The following ANKRD28 variants were observed in gnomAD, a reference collection of about 807,000 sequenced individuals.
ANKRD28 encodes the protein ankyrin repeat domain 28.
ANKRD28 carries 44 observed loss-of-function variants against 126.5 expected under a neutral mutation model. That is an observed-to-expected ratio of 0.35 (90% CI 0.27 to 0.45). ANKRD28 has a LOEUF of 0.45. Ranked by LOEUF, ANKRD28 falls within the 20% of genes least tolerant of loss-of-function variation. The probability of loss-of-function intolerance (pLI) is 1.00; values close to 1 mark genes in which losing one functional copy is unlikely to be tolerated. For synonymous variants in ANKRD28, 442 were observed against 468.5 expected, an observed-to-expected ratio of 0.94 and a Z score of 0.73; for missense variants, 1,110 against 1,316.6, an observed-to-expected ratio of 0.84 and a Z score of 2.43.
At chr3:15,852,972 T>A in intron 1 of ANKRD28, among the ~76,000 whole-genome samples, 1 of 151,926 alleles carries the variant, frequency 6.6e-6, no homozygotes, top group Admixed American at 6.6e-5. Flanking sequence ...AGAAGAATCC[T>A]GGTAACTTTT....
chr3:15,773,260 T>C (rs771956716), intron 2 of ANKRD28, among the ~76,000 whole-genome samples: 165 of 152,264 alleles, frequency 1.1e-3, no homozygotes, highest in Non-Finnish European at 2.1e-3. Flanking sequence ...AAAGGTATCA[T>C]TTAGAATAGC....
At position 15,812,076 on chromosome 3, in the gene ANKRD28, C is replaced by A. The variant is rs1575752569; in HGVS notation, c.28-16770G>T. Among the ~76,000 whole-genome samples, 1 of 151,668 alleles carries A rather than the reference C, an allele frequency of 6.6e-6. No individual in the cohort carries two copies. The highest frequency in any genetic ancestry group is 2.4e-5 in the African/African-American group (1 of 41,300). On this transcript the variant is annotated intron_variant, in intron 1 of 27. Transcript: ENST00000399451. This position sits in a 1 kb window ranked among gnomAD's most constrained non-coding sequence, Gnocchi z 4.1. ...GCTGAGGTCGGAGAATCGCTTGAACCCAGGAGGCTGAGGTTGCAGTGAGCT... is the reference window on the plus strand; with the variant it reads ...GCTGAGGTCGGAGAATCGCTTGAACACAGGAGGCTGAGGTTGCAGTGAGCT...
intron 1 of ANKRD28, among the ~76,000 whole-genome samples, chr3:15,855,276 G>A (rs1238490963): frequency 1.3e-5 from 2 of 151,906 alleles, no homozygotes; most frequent in African/African-American, 4.8e-5. Context: ...CCAAAATAGT[G>A]GTTAAGTTAC....
At chr3:15,711,304 C>G in intron 11 of ANKRD28, 30 bp from the exon 12 acceptor site, 1 of 1,548,760 alleles carries the variant, frequency 6.5e-7, no homozygotes, top group South Asian at 1.1e-5. Context: ...TTATTTATAA[C>G]AGACATATTA....
In ANKRD28 at chr3:15,843,790, A is replaced by C. The variant is rs1405329951; in HGVS notation, c.27+15587T>G. Among the ~76,000 whole-genome samples, 2 of 152,068 alleles carry C rather than the reference A, an allele frequency of 1.3e-5. No individual in the cohort carries two copies. Among genetic ancestry groups the C allele is most frequent in the Non-Finnish European group, 2.9e-5 (2 of 68,008 alleles). On this transcript the variant is annotated intron_variant, in intron 1 of 27. Transcript: ENST00000399451. This position sits in a 1 kb window ranked among gnomAD's most constrained non-coding sequence, Gnocchi z 5.2. ...AAAATAATAAAAAAAAAAAAGAGGCAGAAATCAAAATGTAGAAATAAAACA... is the reference window on the plus strand; with the variant it reads ...AAAATAATAAAAAAAAAAAAGAGGCCGAAATCAAAATGTAGAAATAAAACA...
chr3:15,689,747 T>A (rs1463487433), intron 18 of ANKRD28: 1 of 298,512 alleles, frequency 3.3e-6, no homozygotes, highest in Non-Finnish European at 6.2e-6. Flanking sequence ...TATATGAATA[T>A]TTTTTGTGCT....
At chr3:15,714,536 A>AAG (rs2126096311) in intron 9 of ANKRD28, 42 bp downstream of exon 9, 1 of 1,445,254 alleles carries the variant, frequency 6.9e-7, no homozygotes, top group Non-Finnish European at 9.3e-7. Flanking sequence ...ATTTAAGAAA[A>AAG]AAAAAAAAAA....
chr3:15,843,903 C>A lies in ANKRD28; in HGVS notation c.27+15474G>T, dbSNP rs2061477420. Among the ~76,000 whole-genome samples the A allele has an allele frequency of 6.6e-6, 1 of 151,954 alleles. No individual in the cohort carries two copies. The highest frequency in any genetic ancestry group is 1.5e-5 in the Non-Finnish European group (1 of 68,004). The stretch of plus-strand genomic sequence containing the variant: ...GAGATGAAAAGGAGAAGACTGAAAG[C>A]GTGTGTACATTAGGAGTTAAGGCTT... On this transcript the variant is annotated intron_variant, in intron 1 of 27. Transcript: ENST00000399451. This position sits in a 1 kb window ranked among gnomAD's most constrained non-coding sequence, Gnocchi z 5.2.
chr3:15,840,565 A>C (rs2061406334), intron 1 of ANKRD28, among the ~76,000 whole-genome samples: 1 of 152,220 alleles, frequency 6.6e-6, no homozygotes, highest in Non-Finnish European at 1.5e-5. Context: ...ATGGAACAAC[A>C]AAAGACCCAG....
At chr3:15,752,036 A>T (rs1158507414) in intron 3 of ANKRD28, among the ~76,000 whole-genome samples, 1 of 152,106 alleles carries the variant, frequency 6.6e-6, no homozygotes, top group Non-Finnish European at 1.5e-5. Context: ...TTAGTTTTTT[A>T]ATTTAAAACA....
At chr3:15,859,575 G>GGCCGCCCGCCGCCGCCGCC (rs2061861096) in exon 1 of ANKRD28, 1 of 300,628 alleles carries the variant, frequency 3.3e-6, no homozygotes, top group Non-Finnish European at 4.9e-6. Flanking sequence ...CCGCCTCCCC[G>GGCCGCCCGCCGCCGCCGCC]GCCGCCCGCC....
At chr3:15,686,881 T>G (rs2125778280) in intron 18 of ANKRD28, among the ~76,000 whole-genome samples, 1 of 152,024 alleles carries the variant, frequency 6.6e-6, no homozygotes, top group East Asian at 1.9e-4. Flanking sequence ...ATAACAGAAT[T>G]TAATCCAGAG....
At chr3:15,859,591 C>CGCT (rs1453169026) in exon 1 of ANKRD28, 1 of 199,304 alleles carries the variant, frequency 5.0e-6, no homozygotes, top group African/African-American at 2.4e-5. Context: ...CCGCCGCCGC[C>CGCT]GCCGCCGCCG....
chr3:15,779,785 TATA>T (rs941435335), intron 2 of ANKRD28, among the ~76,000 whole-genome samples: 1 of 152,230 alleles, frequency 6.6e-6, no homozygotes, highest in African/African-American at 2.4e-5. Flanking sequence ...GACACTGCTC[TATA>T]ATAATATATA....
At position 15,676,995 on chromosome 3, in the gene ANKRD28, G is replaced by A. The variant is rs1357069274; in HGVS notation, c.2852C>T (p.Ala951Val). 5 of 1,612,522 alleles carry A rather than the reference G, an allele frequency of 3.1e-6. No individual in the cohort carries two copies. Among genetic ancestry groups the A allele is most frequent in the Non-Finnish European group, 4.2e-6 (5 of 1,179,330 alleles). Residue 951 changes from alanine to valine, a missense_variant, in exon 26 of 28, where the codon GCA becomes GTA. Coordinates refer to ENST00000683139, the MANE Select transcript of ANKRD28 (RefSeq NM_001349278.2). ...TCACGTTTGCAAGGCTGCGTTGGTT[G>A]CATTGATGAGGTTTCTATCTGTTAT... ...EKITDRNLIN[A>V]TNAALQTPLH...
intron 21 of ANKRD28, chr3:15,684,674 C>T (rs1184274400): frequency 6.5e-6 from 1 of 152,696 alleles, no homozygotes; most frequent in Middle Eastern, 3.2e-3. Context: ...TTGCTTAAGC[C>T]CAGTTGTTCA....
intron 4 of ANKRD28, among the ~76,000 whole-genome samples, chr3:15,743,088 G>A (rs1455440815): frequency 1.3e-5 from 2 of 152,036 alleles, no homozygotes; most frequent in African/African-American, 4.8e-5. Flanking sequence ...CCAACCCTGT[G>A]CTCTCTGAAA....
chr3:15,739,296 T>G (rs934902351), intron 4 of ANKRD28, among the ~76,000 whole-genome samples: 1 of 152,206 alleles, frequency 6.6e-6, no homozygotes, highest in African/African-American at 2.4e-5. Context: ...GTTCAGAGAC[T>G]GCAGTAAAGA....
intron 14 of ANKRD28, among the ~76,000 whole-genome samples, chr3:15,699,287 C>A (rs10428224): frequency 6.6e-6 from 1 of 152,090 alleles, no homozygotes; most frequent in South Asian, 2.1e-4. Flanking sequence ...CCATAAAAAA[C>A]CCTATTAGAA....
Sources: gnomAD v4.1 joint callset for allele counts (sites outside exome capture counted in the v4.1 genomes callset) on GRCh38, gnomAD v4.1.1 for gene constraint, Gnocchi (gnomAD v3.1) non-coding constraint, MANE v1.5 for transcripts, NCBI Gene and HGNC (gene_info 2026-07-23, HGNC 2026-07-21) for gene names.